Variants in HCN4 observed in about 807,000 individuals in gnomAD.
HCN4 encodes potassium/sodium hyperpolarization-activated cyclic nucleotide-gated channel 4.
In HCN4, 29 loss-of-function variants were observed where a neutral mutation model predicts 76.9. The observed-to-expected ratio is 0.38, with a 90% CI of 0.28 to 0.51. The LOEUF (loss-of-function observed/expected upper bound fraction) is 0.51, where lower values mean the gene tolerates loss of function less well. Among genes scored for constraint, HCN4 ranks in the 20% least tolerant of loss-of-function variants. The probability of loss-of-function intolerance (pLI) is 0.90; values close to 1 mark genes in which losing one functional copy is unlikely to be tolerated. For synonymous variants in HCN4, 772 were observed against 762.5 expected (o/e 1.01, Z -0.21); for missense variants, 1,416 against 1,715.2 (o/e 0.83, Z 3.08).
At chr15:73,366,330 G>T (rs1179523787) in intron 1 of HCN4, among the ~76,000 whole-genome samples, 5 of 152,162 alleles carry the variant, frequency 3.3e-5, no homozygotes, top group Non-Finnish European at 5.9e-5. Flanking sequence ...TTGCAAAGAG[G>T]GCTCTGGGTT....
chr15:73,348,091 G>C (rs575102493), intron 1 of HCN4, among the ~76,000 whole-genome samples: 1 of 152,224 alleles, frequency 6.6e-6, no homozygotes, highest in South Asian at 2.1e-4. Flanking sequence ...CCATTACACC[G>C]ATATCTGGAA....
chr15:73,340,500 CAA>C, intron 2 of HCN4, among the ~76,000 whole-genome samples: 1 of 152,306 alleles, frequency 6.6e-6, no homozygotes, highest in Non-Finnish European at 1.5e-5. Context: ...AACCAGGAGA[CAA>C]GTGTGTCAGA....
chr15:73,361,185 A>G (rs1288737825), intron 1 of HCN4, among the ~76,000 whole-genome samples: 1 of 152,184 alleles, frequency 6.6e-6, no homozygotes, highest in East Asian at 1.9e-4. Context: ...GCAACCTCTG[A>G]TCGAAGTACT....
chr15:73,349,407 G>A (rs1287143364), intron 1 of HCN4, among the ~76,000 whole-genome samples: 1 of 152,062 alleles, frequency 6.6e-6, no homozygotes, highest in East Asian at 1.9e-4. Context: ...CAGATGAGGA[G>A]ACTGAGGTAC....
At chr15:73,340,994 G>C (rs953513565) in intron 2 of HCN4, 1 of 151,838 alleles carries the variant, frequency 6.6e-6, no homozygotes. Flanking sequence ...CATAAATCTT[G>C]CCCTGTTTCT....
At chr15:73,348,323 C>T (rs1320670387) in intron 1 of HCN4, among the ~76,000 whole-genome samples, 1 of 152,242 alleles carries the variant, frequency 6.6e-6, no homozygotes, top group East Asian at 1.9e-4. Flanking sequence ...TCCACACACA[C>T]CCACGCTTGC....
chr15:73,331,982 A>G, intron 3 of HCN4, 149 bp downstream of exon 3: 3 of 754,630 alleles, frequency 4.0e-6, no homozygotes, highest in Non-Finnish European at 6.9e-6. Context: ...TTGGGCCTGT[A>G]CTGGGTAGAG....
Position 73,320,618 on chromosome 15 carries a change from C to T in HCN4, c.*1863G>A, listed in dbSNP as rs1341079141. On this transcript the variant is annotated 3_prime_UTR_variant, in exon 8 of 8. Transcript: ENST00000261917. The stretch of plus-strand genomic sequence containing the variant: ...TCCAAAGGCATCTGAGCTGCTTTCT[C>T]GTTCCCGCAATCTGGAACCTGCTTA... 10 of 152,244 alleles carry T rather than the reference C, an allele frequency of 6.6e-5. No homozygotes were observed. Among genetic ancestry groups the T allele is most frequent in the Non-Finnish European group, 8.8e-5 (6 of 68,088 alleles). The allele number at this position is 152,244 out of a possible 1,614,324, so 9.4% of individuals were successfully genotyped here.
chr15:73,342,253 T>A (rs986498869), intron 2 of HCN4: 4 of 152,312 alleles, frequency 2.6e-5, no homozygotes, highest in Non-Finnish European at 5.9e-5. Flanking sequence ...TGAGTGAGGT[T>A]TGTTCACAAT....
Position 73,323,159 on chromosome 15 carries a change from A to G in HCN4, c.2934T>C (p.Pro978=). Reference sequence around the variant, plus strand: ...CCAGACCTAGGGACAACTCCCCGGGAGGCTGGCCCAGCTGCCCGGGGCTAG... The same window carrying G: ...CCAGACCTAGGGACAACTCCCCGGGGGGCTGGCCCAGCTGCCCGGGGCTAG... ...PSSSPGQLGQ[P]PGELSLGLAT... The change falls in exon 8 of 8, where the codon CCT becomes CCC. Residue 978 remains proline (P), a synonymous_variant. Transcript: ENST00000261917. 1 of 1,568,810 alleles carries G rather than the reference A, an allele frequency of 6.4e-7. No individual in the cohort carries two copies. Among genetic ancestry groups the G allele is most frequent in the Non-Finnish European group, 8.6e-7 (1 of 1,159,168 alleles).
chr15:73,363,676 G>A (rs143634959), intron 1 of HCN4, among the ~76,000 whole-genome samples: 47 of 152,292 alleles, frequency 3.1e-4, no homozygotes, highest in African/African-American at 9.9e-4. Flanking sequence ...ACCCCTGCTT[G>A]AGCCAAGGAC....
chr15:73,324,030 G>C, intron 7 of HCN4, 59 bp downstream of exon 7: 5 of 1,609,686 alleles, frequency 3.1e-6, no homozygotes, highest in Non-Finnish European at 4.2e-6. Flanking sequence ...GCATAAAGGA[G>C]CCCTGCCCTC....
At chr15:73,357,827 C>T (rs1299336450) in intron 1 of HCN4, among the ~76,000 whole-genome samples, 2 of 152,078 alleles carry the variant, frequency 1.3e-5, no homozygotes, top group Non-Finnish European at 2.9e-5. Context: ...AGATCTTCCA[C>T]GTGTCCCTGG....
Position 73,322,841 on chromosome 15 carries a change from C to T in HCN4, c.3252G>A (p.Lys1084=), listed in dbSNP as rs952665520. The stretch of plus-strand genomic sequence containing the variant: ...GGGCTGGCTGAGACGCGGAGATGAG[C>T]TTGAGGTCCTGGGTGAGGCGGCCGG... ...LTPGRLTQDL[K]LISASQPALP... The change falls in exon 8 of 8, where the codon AAG becomes AAA. Residue 1084 remains lysine, a synonymous_variant. Coordinates refer to ENST00000261917, the MANE Select transcript of HCN4 (RefSeq NM_005477.3). The T allele has an allele frequency of 6.6e-7, 1 of 1,516,672 alleles. No homozygotes were observed. The highest frequency in any genetic ancestry group is 8.8e-7 in the Non-Finnish European group (1 of 1,134,616). 94.0% of individuals were successfully genotyped at this position (1,516,672 alleles called of 1,614,324 possible).
chr15:73,330,103 G>A (rs3985587), intron 3 of HCN4, among the ~76,000 whole-genome samples: 47,085 of 152,170 alleles, frequency 0.31, 8,958 homozygotes, highest in Admixed American at 0.44. Flanking sequence ...CAAAGGCCCC[G>A]GGCTGAGCCA....
Position 73,325,242 on chromosome 15 carries a change from A to T in HCN4, c.1738-47T>A. 6.2e-7 allele frequency: 1 copy of T among 1,613,922 alleles called. No individual in the cohort carries two copies. The highest frequency in any genetic ancestry group is 8.5e-7 in the Non-Finnish European group (1 of 1,179,932). On this transcript the variant is annotated intron_variant, in intron 5 of 7. Transcript: ENST00000261917. The surrounding 1 kb of genome is among the most constrained non-coding windows in gnomAD (Gnocchi z 7.4). ...GACACGGGAAGGAGGTGGTGAGGGG[A>T]GCTGGCTGCCAGGAAGGCCTGGCTC...
In HCN4 at chr15:73,329,805, G is replaced by A; in HGVS notation, c.1372-14C>T. The A allele has an allele frequency of 2.5e-6, 4 of 1,603,990 alleles. No individual in the cohort carries two copies. Among genetic ancestry groups the A allele is most frequent in the Non-Finnish European group, 3.4e-6 (4 of 1,172,236 alleles). ...CCAGGAGTTGTTCTGTGGACAGACG[G>A]ATGGGTGGGGACAGTGGATGAGAGG... On this transcript the variant is annotated splice_polypyrimidine_tract_variant and intron_variant, in intron 3 of 7. Coordinates refer to ENST00000261917, the MANE Select transcript of HCN4 (RefSeq NM_005477.3).
chr15:73,321,403 AT>A lies in HCN4; in HGVS notation c.*1077del, dbSNP rs1336308148. The A allele has an allele frequency of 1.2e-4, 18 of 152,234 alleles. No individual in the cohort carries two copies. The highest frequency in any genetic ancestry group is 2.2e-4 in the African/African-American group (9 of 41,452). The allele number at this position is 152,234 out of a possible 1,614,324, so 9.4% of individuals were successfully genotyped here. A position where few individuals can be genotyped will look rare whatever the true frequency, so the allele number is the denominator to read the frequency against. Reference sequence around the variant, plus strand: ...CTCCTAGTTACATGATTCTGGAAAAATTACCCAAAACTGTTTCTTCCTCTGC... The same window carrying A: ...CTCCTAGTTACATGATTCTGGAAAAATACCCAAAACTGTTTCTTCCTCTGC... On this transcript the variant is annotated 3_prime_UTR_variant, in exon 8 of 8. Transcript: ENST00000261917.
At chr15:73,330,796 C>A (rs2042928251) in intron 3 of HCN4, among the ~76,000 whole-genome samples, 1 of 152,216 alleles carries the variant, frequency 6.6e-6, no homozygotes, top group Non-Finnish European at 1.5e-5. Flanking sequence ...GGTCTGATGG[C>A]TCAGTCTAGA....
Sources: gnomAD v4.1 joint callset for allele counts (sites outside exome capture counted in the v4.1 genomes callset) on GRCh38, gnomAD v4.1.1 for gene constraint, Gnocchi (gnomAD v3.1) non-coding constraint, MANE v1.5 for transcripts, NCBI Gene and HGNC (gene_info 2026-07-23, HGNC 2026-07-21) for gene names.